The following KNTC1 variants were observed in gnomAD, a reference collection of about 807,000 sequenced individuals.
KNTC1 encodes kinetochore associated 1.
A neutral mutation model predicts 314.4 loss-of-function variants in KNTC1; 253 were observed. That is an observed-to-expected ratio of 0.80 (90% CI 0.73 to 0.89). The LOEUF (loss-of-function observed/expected upper bound fraction) is 0.89. KNTC1 is among the 40% of genes least tolerant of loss of function. KNTC1 has a pLI of 0.00. For missense variants in KNTC1, 2,475 were observed against 2,572.9 expected, an observed-to-expected ratio of 0.96 and a Z score of 0.82; for synonymous variants, 901 against 901.4, an observed-to-expected ratio of 1.00 and a Z score of 0.01.
chr12:122,604,340 T>G (rs970892983), intron 48 of KNTC1, among the ~76,000 whole-genome samples: 13 of 151,928 alleles, frequency 8.6e-5, no homozygotes, highest in African/African-American at 3.1e-4. Flanking sequence ...AGAGACAGGG[T>G]TCTTCCGTGT....
chr12:122,583,320 C>G (rs1868719898), intron 34 of KNTC1, among the ~76,000 whole-genome samples: 2 of 152,024 alleles, frequency 1.3e-5, no homozygotes, highest in African/African-American at 4.8e-5. Flanking sequence ...TAACAACTGC[C>G]TGATTTCTTC....
intron 2 of KNTC1, among the ~76,000 whole-genome samples, chr12:122,532,376 T>G (rs1354455608): frequency 6.6e-6 from 1 of 151,522 alleles, no homozygotes; most frequent in Non-Finnish European, 1.5e-5. Flanking sequence ...ACCCAGCTAA[T>G]TTTTGTGTTT....
intron 18 of KNTC1, among the ~76,000 whole-genome samples, chr12:122,558,768 T>G (rs1393811334): frequency 2.0e-5 from 3 of 151,944 alleles, no homozygotes; most frequent in Non-Finnish European, 4.4e-5. Context: ...TCCAGCTACT[T>G]GGCAGGCTGA....
intron 62 of KNTC1, 131 bp from the exon 63 acceptor site, chr12:122,624,467 C>T (rs1213654211): frequency 7.0e-6 from 4 of 569,176 alleles, no homozygotes; most frequent in Admixed American, 6.1e-5. Flanking sequence ...AGGGCTTTGC[C>T]ATGTTGCCCA....
At position 122,557,625 on chromosome 12, in the gene KNTC1, G is replaced by T. The variant is rs367561262; in HGVS notation, c.1424G>T (p.Cys475Phe). Reference protein sequence around the residue: ...IQDDEFVVNYCLKAQWITYET... With the variant: ...IQDDEFVVNYFLKAQWITYET... ...GATGATGAATTTGTGGTGAATTACT[G>T]CCTGAAAGCTCAGTGGATAACCTAT... is the stretch of plus-strand genomic sequence containing the variant. The change falls in exon 18 of 64, where the codon TGC becomes TTC. Residue 475 changes from cysteine (C) to phenylalanine (F), a missense_variant. Physicochemically the swap from Cys to Phe is radical, Grantham distance 205. Transcript: ENST00000333479. 2.8e-5 allele frequency: 45 copies of T among 1,613,346 alleles called. No individual in the cohort carries two copies. Among genetic ancestry groups the T allele is most frequent in the Non-Finnish European group, 3.2e-5 (38 of 1,179,596 alleles).
In KNTC1 at chr12:122,621,937, G is replaced by T; in HGVS notation, c.6336G>T (p.Met2112Ile). 6.2e-7 allele frequency: 1 copy of T among 1,609,458 alleles called. No individual in the cohort carries two copies. ...TTTTAAAGCAATTGGAAGAGCATAT[G>T]AACACGGGCCAGCTAGCAGGATTTT... Reference protein sequence around the residue: ...QVILKQLEEHMNTGQLAGFSH... With the variant: ...QVILKQLEEHINTGQLAGFSH... Residue 2112 changes from methionine (M) to isoleucine (I), a missense_variant, in exon 61 of 64, where the codon ATG becomes ATT. Coordinates refer to ENST00000333479, the MANE Select transcript of KNTC1 (RefSeq NM_014708.6).
At chr12:122,574,069 A>C (rs1964872009) in intron 26 of KNTC1, among the ~76,000 whole-genome samples, 1 of 152,156 alleles carries the variant, frequency 6.6e-6, no homozygotes, top group African/African-American at 2.4e-5. Flanking sequence ...TCATTCTTAA[A>C]TTTTCTATAC....
At chr12:122,565,152 C>T (rs1191440476) in intron 20 of KNTC1, among the ~76,000 whole-genome samples, 1 of 149,874 alleles carries the variant, frequency 6.7e-6, no homozygotes, top group African/African-American at 2.4e-5. Context: ...GATTTCCATT[C>T]TTAATTTTGG....
At chr12:122,565,425 T>C (rs1964266443) in intron 20 of KNTC1, among the ~76,000 whole-genome samples, 1 of 151,910 alleles carries the variant, frequency 6.6e-6, no homozygotes, top group African/African-American at 2.4e-5. Flanking sequence ...TGGACCGAGT[T>C]GTTCTTTTCA....
chr12:122,590,881 G>C, intron 41 of KNTC1, 146 bp downstream of exon 41: 1 of 739,652 alleles, frequency 1.4e-6, no homozygotes, highest in Non-Finnish European at 2.2e-6. Flanking sequence ...CTGCTTGACT[G>C]GTGACATACT....
intron 27 of KNTC1, 131 bp downstream of exon 27, chr12:122,574,511 A>C (rs990054102): frequency 1.7e-6 from 1 of 603,600 alleles, no homozygotes; most frequent in Non-Finnish European, 2.9e-6. Flanking sequence ...CCCAGGCTGG[A>C]ATGCAGTGAC....
Position 122,613,734 on chromosome 12 carries a change from G to T in KNTC1, c.5850G>T (p.Leu1950=). Residue 1950 remains leucine (L), a synonymous_variant, in exon 55 of 64, where the codon CTG becomes CTT. Coordinates refer to ENST00000333479, the MANE Select transcript of KNTC1 (RefSeq NM_014708.6). The part of the protein sequence containing the change: ...SSPKEGMIKG[L]WKNHSHESMA... ...CTAAAGAAGGAATGATTAAGGGTCT[G>T]TGGAAAAACCACAGCCACGAGTCCA... 1.2e-6 allele frequency: 2 copies of T among 1,611,078 alleles called. No homozygotes were observed. The highest frequency in any genetic ancestry group is 8.5e-7 in the Non-Finnish European group (1 of 1,178,912).
At position 122,626,321 on chromosome 12, in the gene KNTC1, G is replaced by T; in HGVS notation, c.*93G>T. On this transcript the variant is annotated 3_prime_UTR_variant, in exon 64 of 64. Transcript: ENST00000333479. ...ACAGTTTTTAAATTGTACAATCTCT[G>T]TATTATAGCTATTTGTCTAACATTA... 1.2e-6 allele frequency: 1 copy of T among 829,094 alleles called. No homozygotes were observed. The highest frequency in any genetic ancestry group is 2.0e-6 in the Non-Finnish European group (1 of 504,798). 51.4% of individuals were successfully genotyped at this position (829,094 alleles called of 1,614,324 possible).
At chr12:122,622,091 T>TA (rs1478652077) in intron 61 of KNTC1, 121 bp downstream of exon 61, 1 of 776,342 alleles carries the variant, frequency 1.3e-6, no homozygotes, top group African/African-American at 1.8e-5. Flanking sequence ...TGTATAGAAT[T>TA]ATTTTGCTTT....
chr12:122,615,200 C>A, intron 56 of KNTC1, 114 bp downstream of exon 56: 1 of 840,498 alleles, frequency 1.2e-6, no homozygotes, highest in Non-Finnish European at 1.9e-6. Flanking sequence ...AAAACACAGT[C>A]ACTCTCACTG....
chr12:122,622,534 C>G lies in KNTC1; in HGVS notation c.6442C>G (p.Gln2148Glu), dbSNP rs773059288. The G allele has an allele frequency of 1.8e-5, 29 of 1,577,542 alleles. 3 individuals are homozygous for G. The South Asian group carries it at 2.9e-4, about 16-fold the overall frequency. The change falls in exon 62 of 64, where the codon CAA (glutamine) becomes GAA (glutamate). Residue 2148 changes from glutamine to glutamate, a missense_variant. By Grantham distance (29) the Gln-to-Glu change is conservative. Coordinates refer to ENST00000333479, the MANE Select transcript of KNTC1 (RefSeq NM_014708.6). ...GATTTTGGCAAAGACCAAATACTTT[C>G]AAATGTTGAAGATGCATGCGATGAA... ...FGILAKTKYF[Q>E]MLKMHAMNTN...
intron 2 of KNTC1, among the ~76,000 whole-genome samples, chr12:122,531,969 G>A (rs1961367663): frequency 6.6e-6 from 1 of 150,984 alleles, no homozygotes; most frequent in Non-Finnish European, 1.5e-5. Flanking sequence ...TCCTGACCTC[G>A]TGATCCGCCC....
intron 44 of KNTC1, among the ~76,000 whole-genome samples, chr12:122,598,890 G>A (rs1173976847): frequency 6.6e-6 from 1 of 151,646 alleles, no homozygotes; most frequent in African/African-American, 2.4e-5. Flanking sequence ...GCTCATGGCA[G>A]CCTTGACCTC....
At chr12:122,612,307 C>T (rs1274959111) in intron 53 of KNTC1, among the ~76,000 whole-genome samples, 1 of 151,730 alleles carries the variant, frequency 6.6e-6, no homozygotes, top group African/African-American at 2.4e-5. Context: ...CTCAGGTGAT[C>T]CACCCACCTC....
Sources: gnomAD v4.1 joint callset for allele counts (sites outside exome capture counted in the v4.1 genomes callset) on GRCh38, gnomAD v4.1.1 for gene constraint, MANE v1.5 for transcripts, NCBI Gene and HGNC (gene_info 2026-07-23, HGNC 2026-07-21) for gene names.